Variants in BCAS3 observed in about 807,000 individuals in gnomAD.
The protein encoded by BCAS3 is BCAS3 microtubule associated cell migration factor.
In BCAS3, 53 loss-of-function variants were observed where a neutral mutation model predicts 116.1. That is an observed-to-expected ratio of 0.46 (90% CI 0.37 to 0.57). The LOEUF (loss-of-function observed/expected upper bound fraction) is 0.57. Among genes scored for constraint, BCAS3 ranks in the 20% least tolerant of loss-of-function variants. The pLI is 0.00. For missense variants in BCAS3, 917 were observed against 1,165.4 expected (o/e 0.79, Z 3.10); for synonymous variants, 391 against 408.2 (o/e 0.96, Z 0.51).
chr17:61,102,139 C>A lies in BCAS3; in HGVS notation c.2425+17575C>A, dbSNP rs769865683. Among the ~76,000 whole-genome samples, 3 of 152,026 alleles carry A rather than the reference C, an allele frequency of 2.0e-5. No individual in the cohort carries two copies. The South Asian group carries it at 6.2e-4, about 32-fold the overall frequency. ...TAGCTATATGCAAATTAGTAGATGT[C>A]CTTAGCTGAGACAAAATTATTTTGA... On this transcript the variant is annotated intron_variant, in intron 22 of 23. Coordinates refer to ENST00000407086, the MANE Select transcript of BCAS3 (RefSeq NM_017679.5).
chr17:61,015,596 T>C (rs778391318), intron 15 of BCAS3, among the ~76,000 whole-genome samples, 155 bp from the exon 16 acceptor site: 2 of 152,200 alleles, frequency 1.3e-5, no homozygotes, highest in Non-Finnish European at 2.9e-5. Context: ...TTTGGTTTCT[T>C]CTCATCCACA....
chr17:60,943,722 T>G (rs2060340053), intron 13 of BCAS3, among the ~76,000 whole-genome samples: 1 of 152,096 alleles, frequency 6.6e-6, no homozygotes, highest in Non-Finnish European at 1.5e-5. Flanking sequence ...ATATTCTAGG[T>G]GTTCAAGTGT....
chr17:61,046,971 T>C (rs1300556266), intron 19 of BCAS3, among the ~76,000 whole-genome samples: 1 of 151,928 alleles, frequency 6.6e-6, no homozygotes, highest in Non-Finnish European at 1.5e-5. Flanking sequence ...CCAGTAATCA[T>C]AATAAATACA....
At chr17:61,038,783 C>G (rs1346959705) in intron 18 of BCAS3, among the ~76,000 whole-genome samples, 1 of 151,514 alleles carries the variant, frequency 6.6e-6, no homozygotes, top group Non-Finnish European at 1.5e-5. Flanking sequence ...GTTCTCCTGC[C>G]TCAGCCTCCT....
rs117622033 is a variant in BCAS3, at chr17:61,141,132, C to T, written c.2425+56568C>T. On this transcript the variant is annotated intron_variant, in intron 22 of 23. Transcript: ENST00000407086. This position sits in a 1 kb window ranked among gnomAD's most constrained non-coding sequence, Gnocchi z 4.3. ...CCTCTGTTGCCCTAAGAACTTACAC[C>T]TACTGGTTCATAAATGGTCATAAAT... Among the ~76,000 whole-genome samples, 29 of 152,176 alleles carry T rather than the reference C, an allele frequency of 1.9e-4. No individual in the cohort carries two copies. In the East Asian group the frequency reaches 5.4e-3, roughly 28 times the overall value.
At chr17:60,928,499 A>C (rs960483871) in intron 13 of BCAS3, among the ~76,000 whole-genome samples, 1 of 152,212 alleles carries the variant, frequency 6.6e-6, no homozygotes. Flanking sequence ...ATGCCTGTTT[A>C]GATATCTGTA....
intron 23 of BCAS3, among the ~76,000 whole-genome samples, chr17:61,370,897 G>A (rs1424886022): frequency 3.3e-5 from 5 of 152,208 alleles, no homozygotes; most frequent in Admixed American, 6.5e-5. Context: ...ACAGTGCAAC[G>A]TGGGTAAGAA....
At chr17:61,185,563 G>T (rs1053757342) in intron 22 of BCAS3, among the ~76,000 whole-genome samples, 1 of 151,974 alleles carries the variant, frequency 6.6e-6, no homozygotes, top group Non-Finnish European at 1.5e-5. Context: ...TAAATAGAAG[G>T]GTCCTTGGTT....
chr17:60,841,546 ATTTT>A (rs754447784), intron 7 of BCAS3, among the ~76,000 whole-genome samples: 5 of 123,466 alleles, frequency 4.0e-5, no homozygotes, highest in African/African-American at 1.0e-4. Flanking sequence ...CACCTGGCTA[ATTTT>A]TTTTTTTTTT....
At chr17:60,947,133 T>G in intron 13 of BCAS3, 86 bp from the exon 14 acceptor site, 1 of 1,348,528 alleles carries the variant, frequency 7.4e-7, no homozygotes, top group East Asian at 2.3e-5. Context: ...ATTGGTAATA[T>G]TTTAAATATT....
chr17:60,738,830 A>G (rs534703987), intron 5 of BCAS3, among the ~76,000 whole-genome samples: 35 of 152,256 alleles, frequency 2.3e-4, no homozygotes, highest in Non-Finnish European at 4.6e-4. Context: ...AACATAGCTC[A>G]CTGTAGCCTC....
intron 6 of BCAS3, among the ~76,000 whole-genome samples, chr17:60,792,158 T>C (rs2046827607): frequency 6.6e-6 from 1 of 152,108 alleles, no homozygotes; most frequent in Non-Finnish European, 1.5e-5. Context: ...ATCCCCGTTG[T>C]GGCAATGTTG....
At chr17:60,938,711 AAGATAGATAGATAGATAGAT>A (rs77328962) in intron 13 of BCAS3, among the ~76,000 whole-genome samples, 7 of 146,570 alleles carry the variant, frequency 4.8e-5, no homozygotes, top group African/African-American at 1.0e-4. Flanking sequence ...TTTCTGATAG[AAGATAGATAGATAGATAGAT>A]AGATAGATAG....
chr17:60,861,320 T>C (rs936459049), intron 7 of BCAS3, among the ~76,000 whole-genome samples: 2 of 152,234 alleles, frequency 1.3e-5, no homozygotes, highest in Admixed American at 6.5e-5. Flanking sequence ...AGACATGCTG[T>C]TGATTTTCAT....
chr17:60,825,585 A>C (rs1198207109), intron 7 of BCAS3, among the ~76,000 whole-genome samples: 1 of 148,678 alleles, frequency 6.7e-6, no homozygotes, highest in African/African-American at 2.4e-5. Flanking sequence ...ATTTATAATA[A>C]TTTATAAATA....
At chr17:60,976,225 C>T (rs147737519) in intron 14 of BCAS3, among the ~76,000 whole-genome samples, 2,037 of 150,730 alleles carry the variant, frequency 0.014, 43 homozygotes, top group African/African-American at 0.048. Flanking sequence ...CGGGTTTCAC[C>T]GTGTTAGCCA....
rs2064537638 is a variant in BCAS3 at position 61,004,835 on chromosome 17, T to C, written c.1487-10916T>C. Among the ~76,000 whole-genome samples the C allele has an allele frequency of 6.6e-6, 1 of 152,080 alleles. No homozygotes were observed. On this transcript the variant is annotated intron_variant, in intron 15 of 23. Transcript: ENST00000407086. This position sits in a 1 kb window ranked among gnomAD's most constrained non-coding sequence, Gnocchi z 4.8. ...CAAGGTGGAATTAACATGGGCACTGTTGTTGTTGGCTTCAGAAGAAATAGA... is the reference window on the plus strand; with the variant it reads ...CAAGGTGGAATTAACATGGGCACTGCTGTTGTTGGCTTCAGAAGAAATAGA...
chr17:60,953,673 T>A (rs2060965921), intron 14 of BCAS3, among the ~76,000 whole-genome samples: 1 of 152,160 alleles, frequency 6.6e-6, no homozygotes, highest in Non-Finnish European at 1.5e-5. Context: ...TTGCCTAGGT[T>A]GTCTTCCAGA....
intron 14 of BCAS3, among the ~76,000 whole-genome samples, chr17:60,970,255 A>G (rs193154098): frequency 2.5e-4 from 38 of 152,296 alleles, no homozygotes; most frequent in Non-Finnish European, 4.4e-4. Context: ...TGCTATACAT[A>G]AAAAATCAAT....
Sources: allele counts gnomAD v4.1 joint callset (sites outside exome capture counted in the v4.1 genomes callset), GRCh38; gene constraint gnomAD v4.1.1; non-coding constraint Gnocchi (gnomAD v3.1); transcripts MANE v1.5; gene names NCBI Gene and HGNC (gene_info 2026-07-23, HGNC 2026-07-21).